SORCS2: variants seen among roughly 807,000 people sequenced by gnomAD.
SORCS2 encodes the protein VPS10 domain-containing receptor SorCS2.
In SORCS2, 100 loss-of-function variants were observed where a neutral mutation model predicts 141.6. The observed-to-expected ratio is 0.71, with a 90% confidence interval of 0.60 to 0.83. The LOEUF (loss-of-function observed/expected upper bound fraction) is 0.83. SORCS2 is among the 40% of genes least tolerant of loss of function. SORCS2 has a pLI of 0.00. For synonymous variants in SORCS2, 789 were observed against 676.9 expected (o/e 1.17, Z -2.57); for missense variants, 1,646 against 1,560.2 (o/e 1.05, Z -0.93).
intron 2 of SORCS2, among the ~76,000 whole-genome samples, chr4:7,490,093 G>A (rs933261464): frequency 3.3e-5 from 5 of 152,204 alleles, no homozygotes; most frequent in Non-Finnish European, 5.9e-5. Context: ...AGGGCCCTGG[G>A]CTGACACCCC....
At chr4:7,712,276 C>T (rs1382515229) in intron 14 of SORCS2, among the ~76,000 whole-genome samples, 12 of 152,338 alleles carry the variant, frequency 7.9e-5, no homozygotes, top group East Asian at 1.9e-4. Context: ...TTCTGCAGCA[C>T]GGAACCCTCA....
intron 10 of SORCS2, among the ~76,000 whole-genome samples, chr4:7,685,502 C>G (rs1723817079): frequency 6.6e-6 from 1 of 152,118 alleles, no homozygotes; most frequent in Non-Finnish European, 1.5e-5. Context: ...GAAACCCCGT[C>G]TCTACTAAAA....
chr4:7,238,927 C>T (rs1577310591), intron 1 of SORCS2, among the ~76,000 whole-genome samples: 3 of 152,212 alleles, frequency 2.0e-5, no homozygotes, highest in East Asian at 1.9e-4. Context: ...CCTGTGCCCT[C>T]GCTGCAGCCT....
chr4:7,726,622 C>G (rs1342191271), intron 20 of SORCS2, among the ~76,000 whole-genome samples, 158 bp from the exon 21 acceptor site: 1 of 152,126 alleles, frequency 6.6e-6, no homozygotes, highest in Non-Finnish European at 1.5e-5. Flanking sequence ...CCCATGCCTC[C>G]CTGGGTGCTG....
At chr4:7,370,795 G>C (rs760848404) in intron 1 of SORCS2, among the ~76,000 whole-genome samples, 2 of 152,176 alleles carry the variant, frequency 1.3e-5, no homozygotes, top group Admixed American at 6.5e-5. Context: ...CTCTCTGGCT[G>C]GTCCCTGCCT....
chr4:7,379,420 G>A (rs555747248), intron 1 of SORCS2, among the ~76,000 whole-genome samples: 409 of 152,312 alleles, frequency 2.7e-3, no homozygotes, highest in African/African-American at 9.1e-3. Context: ...TCAGATAAGC[G>A]TGAGGAGGGC....
At position 7,266,576 on chromosome 4, in the gene SORCS2, A is replaced by G. The variant is rs116289922; in HGVS notation, c.480+73450A>G. Among the ~76,000 whole-genome samples the G allele has an allele frequency of 6.1e-3, 923 of 152,202 alleles. 11 individuals carry two copies. The highest frequency in any genetic ancestry group is 0.021 in the African/African-American group (866 of 41,524). ...TGGGGCCCCTGTCTTTACTCTCTCC[A>G]CAGCCTGTTAGCTGTGAGTCATCCA... is the stretch of plus-strand genomic sequence containing the variant. On this transcript the variant is annotated intron_variant, in intron 1 of 26. Transcript: ENST00000507866.
In SORCS2 at chr4:7,677,874, A is replaced by G. The variant is rs150505128; in HGVS notation, c.1341+1645A>G. Among the ~76,000 whole-genome samples, 455 of 152,178 alleles carry G rather than the reference A, an allele frequency of 3.0e-3. 3 individuals carry two copies. Among genetic ancestry groups the G allele is most frequent in the South Asian group, 0.017 (83 of 4,820 alleles). On this transcript the variant is annotated intron_variant, in intron 9 of 26. Coordinates refer to ENST00000507866, the MANE Select transcript of SORCS2 (RefSeq NM_020777.3). Reference sequence around the variant, plus strand: ...GCCCACCCCCACCCCTAGTGTCCCAAAGGCCCTGCCCTCTGAGCCTCTAGG... The same window carrying G: ...GCCCACCCCCACCCCTAGTGTCCCAGAGGCCCTGCCCTCTGAGCCTCTAGG...
intron 1 of SORCS2, among the ~76,000 whole-genome samples, chr4:7,330,181 G>T (rs560994595): frequency 6.6e-6 from 1 of 151,790 alleles, no homozygotes; most frequent in East Asian, 2.0e-4. Flanking sequence ...CTGCTCTACA[G>T]GGACACGTGT....
chr4:7,538,422 C>A (rs1410771140), intron 3 of SORCS2, among the ~76,000 whole-genome samples: 1 of 152,220 alleles, frequency 6.6e-6, no homozygotes, highest in Non-Finnish European at 1.5e-5. Flanking sequence ...AGGTTTCCTT[C>A]CCACTTGGCC....
chr4:7,676,406 T>C (rs1392537559), intron 9 of SORCS2, among the ~76,000 whole-genome samples, 177 bp downstream of exon 9: 1 of 152,214 alleles, frequency 6.6e-6, no homozygotes, highest in Non-Finnish European at 1.5e-5. Flanking sequence ...GAGGCTATTA[T>C]GTAGGTATTT....
intron 18 of SORCS2, among the ~76,000 whole-genome samples, chr4:7,723,219 G>A (rs1726717179): frequency 1.3e-5 from 2 of 152,118 alleles, no homozygotes; most frequent in African/African-American, 4.8e-5. Context: ...ATTAAGAACC[G>A]CAGCTTCCCA....
chr4:7,515,262 C>G (rs1732901461), intron 2 of SORCS2, among the ~76,000 whole-genome samples: 1 of 152,248 alleles, frequency 6.6e-6, no homozygotes, highest in Non-Finnish European at 1.5e-5. Context: ...ATACTTCCTC[C>G]ACGGGAGCCT....
intron 2 of SORCS2, among the ~76,000 whole-genome samples, chr4:7,511,437 G>GGA (rs1732639334): frequency 9.3e-6 from 1 of 107,220 alleles, no homozygotes; most frequent in African/African-American, 2.9e-5. Context: ...CGGGGTTGGG[G>GGA]AGACACACAC....
At chr4:7,453,967 G>T (rs1435113790) in intron 2 of SORCS2, among the ~76,000 whole-genome samples, 7 of 103,840 alleles carry the variant, frequency 6.7e-5, no homozygotes, top group East Asian at 2.9e-4. Flanking sequence ...GGGGTCAGGT[G>T]CTGTGTGTTG....
At chr4:7,638,266 C>A (rs1490924512) in intron 3 of SORCS2, 62 bp from the exon 4 acceptor site, 4 of 1,482,500 alleles carry the variant, frequency 2.7e-6, no homozygotes, top group Non-Finnish European at 3.6e-6. Flanking sequence ...CTCACAACAC[C>A]TTTCTGGTGT....
intron 1 of SORCS2, among the ~76,000 whole-genome samples, chr4:7,296,261 C>G (rs1442166848): frequency 2.6e-5 from 4 of 152,238 alleles, no homozygotes; most frequent in Admixed American, 2.6e-4. Flanking sequence ...CCTCCGGGAG[C>G]TGGAAGTCTC....
chr4:7,403,853 C>G (rs893512008), intron 2 of SORCS2, among the ~76,000 whole-genome samples: 1 of 149,022 alleles, frequency 6.7e-6, no homozygotes, highest in Non-Finnish European at 1.5e-5. Flanking sequence ...ATTCATCACC[C>G]GAATAATGTA....
chr4:7,305,589 C>A (rs1156612743), intron 1 of SORCS2, among the ~76,000 whole-genome samples: 5 of 152,158 alleles, frequency 3.3e-5, no homozygotes, highest in Admixed American at 3.3e-4. Flanking sequence ...CTAAGGCCCC[C>A]CCAGCATCTC....
Sources: allele counts gnomAD v4.1 joint callset (sites outside exome capture counted in the v4.1 genomes callset), GRCh38; gene constraint gnomAD v4.1.1; transcripts MANE v1.5; gene names NCBI Gene and HGNC (gene_info 2026-07-23, HGNC 2026-07-21).